Variants in DCLK2 observed in about 807,000 individuals in gnomAD.
DCLK2 encodes the protein serine/threonine-protein kinase DCLK2.
A neutral mutation model predicts 78.4 loss-of-function variants in DCLK2; 31 were observed. The ratio of observed to expected loss-of-function variants is 0.40; its 90% confidence interval spans 0.30 to 0.53. DCLK2 has a LOEUF of 0.53. Among genes scored for constraint, DCLK2 ranks in the 20% least tolerant of loss-of-function variants. The pLI, the probability that DCLK2 is intolerant of heterozygous loss-of-function variation, is 0.61. For synonymous variants in DCLK2, 407 were observed against 374.9 expected (o/e 1.09, Z -0.99); for missense variants, 872 against 973.7 (o/e 0.90, Z 1.39).
chr4:150,212,747 C>A (rs1740408562), intron 5 of DCLK2, among the ~76,000 whole-genome samples: 1 of 152,036 alleles, frequency 6.6e-6, no homozygotes, highest in African/African-American at 2.4e-5. Context: ...GAGGGTTTAC[C>A]AAGTAAATCA....
chr4:150,216,856 C>T (rs1302713277), intron 5 of DCLK2, among the ~76,000 whole-genome samples: 1 of 152,110 alleles, frequency 6.6e-6, no homozygotes, highest in Non-Finnish European at 1.5e-5. Context: ...TCCCCCGCCC[C>T]CTTGCCACTG....
chr4:150,220,062 C>A (rs977211321), intron 5 of DCLK2, among the ~76,000 whole-genome samples: 1 of 152,272 alleles, frequency 6.6e-6, no homozygotes, highest in African/African-American at 2.4e-5. Flanking sequence ...CGGAGAAGGA[C>A]TTGGACCAGG....
chr4:150,184,173 A>G (rs1560844101), intron 2 of DCLK2, among the ~76,000 whole-genome samples: 1 of 152,222 alleles, frequency 6.6e-6, no homozygotes, highest in Non-Finnish European at 1.5e-5. Context: ...TCCAGACACA[A>G]AACCAGGCAG....
chr4:150,247,848 GTC>G, intron 13 of DCLK2, 149 bp downstream of exon 13: 1 of 643,280 alleles, frequency 1.6e-6, no homozygotes. Flanking sequence ...CCATGGTATG[GTC>G]TCTGAAGTTC....
chr4:150,174,997 CAAA>C (rs200730503), intron 2 of DCLK2, among the ~76,000 whole-genome samples: 1,099 of 3,438 alleles, frequency 0.32, 175 homozygotes, highest in South Asian at 0.51. Flanking sequence ...GACTCCGTCG[CAAA>C]AAAAAAAAAA....
At chr4:150,108,958 C>CG (rs761905024) in intron 2 of DCLK2, among the ~76,000 whole-genome samples, 19 of 152,126 alleles carry the variant, frequency 1.2e-4, no homozygotes, top group Non-Finnish European at 2.5e-4. Flanking sequence ...TCACATGCAG[C>CG]GGGTCCTCTT....
chr4:150,132,942 C>A (rs1733427159), intron 2 of DCLK2, among the ~76,000 whole-genome samples: 1 of 152,074 alleles, frequency 6.6e-6, no homozygotes, highest in Non-Finnish European at 1.5e-5. Context: ...TTTTGATCAA[C>A]CAGTCAATAT....
At chr4:150,171,600 G>A (rs1461396491) in intron 2 of DCLK2, among the ~76,000 whole-genome samples, 1 of 152,176 alleles carries the variant, frequency 6.6e-6, no homozygotes, top group South Asian at 2.1e-4. Context: ...AGCAAATGTC[G>A]GGGTTGAGGG....
In DCLK2 at chr4:150,104,394, T is replaced by TA. The variant is rs34276664; in HGVS notation, c.756+1611dup. 6.8e-3 allele frequency among the ~76,000 whole-genome samples: 202 copies of TA among 29,748 alleles called. 21 individuals carry two copies. The highest frequency in any genetic ancestry group is 0.028 in the African/African-American group (170 of 6,036). 19.5% of individuals were successfully genotyped at this position (29,748 alleles called of 152,430 possible). A position where few individuals can be genotyped will look rare whatever the true frequency, so the allele number is the denominator to read the frequency against. The stretch of plus-strand genomic sequence containing the variant: ...TGGTGACAAAAAAGACCACATCTCC[T>TA]AAAAAAAAAAAAAAAAAAAAAAAAA... On this transcript the variant is annotated intron_variant, in intron 2 of 15. Transcript: ENST00000296550.
intron 8 of DCLK2, among the ~76,000 whole-genome samples, chr4:150,229,587 A>G (rs1741886054): frequency 6.6e-6 from 1 of 152,154 alleles, no homozygotes; most frequent in Non-Finnish European, 1.5e-5. Flanking sequence ...GGATGGGTTG[A>G]GACAAGATGA....
Position 150,220,742 on chromosome 4 carries a change from G to A in DCLK2, c.1096G>A (p.Gly366Ser), listed in dbSNP as rs558869328. 72 of 1,613,808 alleles carry A rather than the reference G, an allele frequency of 4.5e-5. 1 individual carries two copies. In the South Asian group the frequency reaches 5.3e-4, roughly 12 times the overall value. The change falls in exon 6 of 16, where the codon GGT (glycine) becomes AGT (serine). Residue 366 changes from glycine to serine, a missense_variant. By Grantham distance (56) the Gly-to-Ser change is moderately conservative (BLOSUM62 0). Transcript: ENST00000296550. ...AHGRSSSNVN[G>S]GPELDRCISP... ...TGGCAGATCTTCTTCCAATGTAAACGGTGGACCTGAGCTTGACCGTTGCAT... is the reference window on the plus strand; with the variant it reads ...TGGCAGATCTTCTTCCAATGTAAACAGTGGACCTGAGCTTGACCGTTGCAT...
intron 1 of DCLK2, among the ~76,000 whole-genome samples, chr4:150,090,761 C>A (rs537264131): frequency 9.2e-5 from 14 of 152,252 alleles, no homozygotes; most frequent in African/African-American, 3.4e-4. Context: ...AGATTTTGTA[C>A]CCCCTTCTCG....
intron 2 of DCLK2, among the ~76,000 whole-genome samples, chr4:150,138,437 C>T (rs560256112): frequency 1.3e-5 from 2 of 152,118 alleles, no homozygotes; most frequent in Non-Finnish European, 2.9e-5. Context: ...GGTGAAACCC[C>T]GTCTCTACTA....
At chr4:150,216,554 G>A (rs946584093) in intron 5 of DCLK2, among the ~76,000 whole-genome samples, 3 of 152,124 alleles carry the variant, frequency 2.0e-5, no homozygotes, top group Non-Finnish European at 4.4e-5. Flanking sequence ...CAGGAGAATC[G>A]CTTGAACCCG....
rs544474360 is a variant in DCLK2 at position 150,170,592 on chromosome 4, C to T, written c.757-22546C>T. On this transcript the variant is annotated intron_variant, in intron 2 of 15. Coordinates refer to ENST00000296550, the MANE Select transcript of DCLK2 (RefSeq NM_001040260.4). ...GCGAGGTTCATAGAAGATATTCCCTCTGATACTGGGAAATGAAAAATAGAA... is the reference window on the plus strand; with the variant it reads ...GCGAGGTTCATAGAAGATATTCCCTTTGATACTGGGAAATGAAAAATAGAA... 3.5e-4 allele frequency among the ~76,000 whole-genome samples: 53 copies of T among 152,290 alleles called. 1 individual carries two copies. The highest frequency in any genetic ancestry group is 2.7e-3 in the South Asian group (13 of 4,820).
At chr4:150,222,822 T>C (rs1560885117) in intron 7 of DCLK2, among the ~76,000 whole-genome samples, 3 of 151,164 alleles carry the variant, frequency 2.0e-5, no homozygotes. Context: ...GCCGAGATCG[T>C]GCCATTGCAC....
At chr4:150,172,643 C>T in intron 2 of DCLK2, among the ~76,000 whole-genome samples, 1 of 144,514 alleles carries the variant, frequency 6.9e-6, no homozygotes, top group East Asian at 2.1e-4. Context: ...ATCCATAGAT[C>T]ATGGACCCAC....
chr4:150,232,920 A>C, intron 10 of DCLK2, 92 bp downstream of exon 10: 1 of 1,435,466 alleles, frequency 7.0e-7, no homozygotes, highest in African/African-American at 1.4e-5. Context: ...GTCTATACCA[A>C]TCCTACATTA....
intron 2 of DCLK2, among the ~76,000 whole-genome samples, chr4:150,125,102 C>T (rs1353101940): frequency 2.0e-5 from 3 of 152,122 alleles, no homozygotes; most frequent in East Asian, 1.9e-4. Flanking sequence ...TGCATGTTGT[C>T]ATGTCGTTCT....
Sources: allele counts gnomAD v4.1 joint callset (sites outside exome capture counted in the v4.1 genomes callset), GRCh38; gene constraint gnomAD v4.1.1; transcripts MANE v1.5; gene names NCBI Gene and HGNC (gene_info 2026-07-23, HGNC 2026-07-21).